The following SLC4A10 variants were observed in gnomAD, a reference collection of about 807,000 sequenced individuals.
SLC4A10 encodes sodium-driven chloride bicarbonate exchanger.
SLC4A10 carries 42 observed loss-of-function variants against 137.7 expected under a neutral mutation model. The ratio of observed to expected loss-of-function variants is 0.30; its 90% confidence interval spans 0.24 to 0.39. The LOEUF (loss-of-function observed/expected upper bound fraction) is 0.39. SLC4A10 is among the 10% of genes least tolerant of loss of function. SLC4A10 has a pLI of 1.00. For synonymous variants in SLC4A10, 474 were observed against 464.1 expected, an observed-to-expected ratio of 1.02 and a Z score of -0.27; for missense variants, 925 against 1,355.0, an observed-to-expected ratio of 0.68 and a Z score of 4.98.
chr2:161,680,443 C>T lies in SLC4A10; in HGVS notation c.48+55877C>T, dbSNP rs149549814. Among the ~76,000 whole-genome samples, 535 of 152,064 alleles carry T rather than the reference C, an allele frequency of 3.5e-3. 3 individuals are homozygous for T. The highest frequency in any genetic ancestry group is 0.012 in the African/African-American group (504 of 41,474). On this transcript the variant is annotated intron_variant, in intron 1 of 26. Coordinates refer to ENST00000446997, the MANE Select transcript of SLC4A10 (RefSeq NM_001178015.2). ...GGGAATAGGAGAGGGAAGTGGGTCA[C>T]AGGGTTGGGGAAAGATGGCCTGTGT... is the stretch of plus-strand genomic sequence containing the variant.
intron 2 of SLC4A10, among the ~76,000 whole-genome samples, chr2:161,789,136 C>T (rs1186045019): frequency 6.6e-6 from 1 of 152,208 alleles, no homozygotes; most frequent in African/African-American, 2.4e-5. Flanking sequence ...CAGTTAGGGC[C>T]TGAGGGGAGT....
chr2:161,690,116 C>A (rs910801080), intron 1 of SLC4A10, among the ~76,000 whole-genome samples: 1 of 152,028 alleles, frequency 6.6e-6, no homozygotes, highest in Non-Finnish European at 1.5e-5. Context: ...AAAAACAACC[C>A]ATTAAAAAGT....
intron 15 of SLC4A10, among the ~76,000 whole-genome samples, chr2:161,921,363 CA>C (rs1305187406): frequency 2.0e-5 from 3 of 152,046 alleles, no homozygotes; most frequent in Non-Finnish European, 1.5e-5. Context: ...TTATCTGGTA[CA>C]AAGGCCATCA....
intron 1 of SLC4A10, among the ~76,000 whole-genome samples, chr2:161,767,072 G>A (rs1446282365): frequency 1.8e-5 from 2 of 110,894 alleles, no homozygotes; most frequent in Non-Finnish European, 1.8e-5. Flanking sequence ...CTTTATCAAG[G>A]TTATGTTAAA....
At chr2:161,978,727 C>A (rs1418467387) in intron 26 of SLC4A10, among the ~76,000 whole-genome samples, 1 of 152,268 alleles carries the variant, frequency 6.6e-6, no homozygotes, top group East Asian at 1.9e-4. Flanking sequence ...TCTCTCTCAA[C>A]CACCTTTAAT....
intron 4 of SLC4A10, among the ~76,000 whole-genome samples, chr2:161,848,261 C>A (rs1428605443): frequency 6.6e-6 from 1 of 152,012 alleles, no homozygotes; most frequent in African/African-American, 2.4e-5. Context: ...TATTTGAGTT[C>A]CTTAAAGATT....
chr2:161,836,542 A>AAGAAAG (rs2058795192), intron 3 of SLC4A10, among the ~76,000 whole-genome samples: 2 of 19,414 alleles, frequency 1.0e-4, no homozygotes, highest in African/African-American at 1.7e-4. Flanking sequence ...GAAAGAAAGA[A>AAGAAAG]AGAAAGAAAG....
chr2:161,708,928 AT>A (rs1233488610), intron 1 of SLC4A10: 2 of 1,315,166 alleles, frequency 1.5e-6, no homozygotes, highest in African/African-American at 3.0e-5. Context: ...GTAATTGTTT[AT>A]TGTCAGACTT....
At chr2:161,782,594 G>A (rs535819392) in intron 2 of SLC4A10, among the ~76,000 whole-genome samples, 17 of 151,482 alleles carry the variant, frequency 1.1e-4, no homozygotes, top group African/African-American at 3.6e-4. Context: ...GCTCACTGAG[G>A]ATAAGAGAAC....
At position 161,869,600 on chromosome 2, in the gene SLC4A10, T is replaced by A. The variant is rs1559424443; in HGVS notation, c.767-2693T>A. ...CAAATCAAACTTGTTAGCTTAATTT[T>A]TAAATAGTATCTATACATCGTTCTA... is the stretch of plus-strand genomic sequence containing the variant. On this transcript the variant is annotated intron_variant, in intron 6 of 26. Coordinates refer to ENST00000446997, the MANE Select transcript of SLC4A10 (RefSeq NM_001178015.2). 2.0e-5 allele frequency among the ~76,000 whole-genome samples: 3 copies of A among 151,744 alleles called. No homozygotes were observed. The East Asian group carries it at 5.8e-4, about 29-fold the overall frequency.
chr2:161,719,935 T>C (rs1464082183), intron 1 of SLC4A10, among the ~76,000 whole-genome samples: 3 of 152,360 alleles, frequency 2.0e-5, no homozygotes, highest in Admixed American at 6.5e-5. Flanking sequence ...TTTGTTGCCA[T>C]TGCGTTTGGT....
At chr2:161,712,681 A>G (rs746133111) in intron 1 of SLC4A10, among the ~76,000 whole-genome samples, 2 of 151,886 alleles carry the variant, frequency 1.3e-5, no homozygotes, top group Non-Finnish European at 2.9e-5. Context: ...AAAAACATTT[A>G]TCTGCTTAAA....
At chr2:161,640,328 A>T (rs1479457414) in intron 1 of SLC4A10, among the ~76,000 whole-genome samples, 1 of 151,928 alleles carries the variant, frequency 6.6e-6, no homozygotes, top group African/African-American at 2.4e-5. Context: ...GTTTTTCAAC[A>T]TTGTCTTGTA....
In SLC4A10 at chr2:161,804,582, G is replaced by A. The variant is rs1559287259; in HGVS notation, c.264G>A (p.Glu88=). ...ATTCAGGATTAGAGGATGGAAGGGA[G>A]TCACCTTCTTTTGGTAAGAATCCTT... ...ERDSGLEDGR[E]SPSFDTPSQR... is the part of the protein sequence containing the mutation. Residue 88 remains glutamate, a synonymous_variant, in exon 3 of 27, where the codon GAG becomes GAA. Coordinates refer to ENST00000446997, the MANE Select transcript of SLC4A10 (RefSeq NM_001178015.2). The A allele has an allele frequency of 6.2e-7, 1 of 1,609,886 alleles. No individual in the cohort carries two copies. The highest frequency in any genetic ancestry group is 8.5e-7 in the Non-Finnish European group (1 of 1,178,026).
chr2:161,786,527 A>G (rs1480327511), intron 2 of SLC4A10, among the ~76,000 whole-genome samples: 1 of 151,470 alleles, frequency 6.6e-6, no homozygotes, highest in African/African-American at 2.4e-5. Context: ...TACTTATATG[A>G]GCTTTTATGA....
intron 1 of SLC4A10, among the ~76,000 whole-genome samples, chr2:161,767,235 CATAT>C (rs72106317): frequency 0.024 from 2,724 of 114,796 alleles, 56 homozygotes; most frequent in African/African-American, 0.035. Context: ...TATATATACA[CATAT>C]ATATATATAT....
At chr2:161,697,581 GT>G (rs2042666034) in intron 1 of SLC4A10, among the ~76,000 whole-genome samples, 1 of 152,116 alleles carries the variant, frequency 6.6e-6, no homozygotes, top group South Asian at 2.1e-4. Context: ...CCCATTTCTT[GT>G]TTTTGTCAGA....
intron 19 of SLC4A10, among the ~76,000 whole-genome samples, chr2:161,952,321 C>G (rs1015649116): frequency 6.6e-6 from 1 of 152,088 alleles, no homozygotes; most frequent in Non-Finnish European, 1.5e-5. Flanking sequence ...CTTCATGAGC[C>G]CTTGACATTC....
intron 1 of SLC4A10, among the ~76,000 whole-genome samples, chr2:161,712,309 G>A (rs1269200786): frequency 6.6e-6 from 1 of 151,716 alleles, no homozygotes; most frequent in African/African-American, 2.4e-5. Flanking sequence ...ATTCATGACT[G>A]AAAGATTACT....
Sources: gnomAD v4.1 joint callset for allele counts (sites outside exome capture counted in the v4.1 genomes callset) on GRCh38, gnomAD v4.1.1 for gene constraint, MANE v1.5 for transcripts, NCBI Gene and HGNC (gene_info 2026-07-23, HGNC 2026-07-21) for gene names.